MTARC1: variants seen among roughly 807,000 people sequenced by gnomAD.
The protein encoded by MTARC1 is mitochondrial amidoxime reducing component 1.
In MTARC1, 24 loss-of-function variants were observed where a neutral mutation model predicts 33.6. The ratio of observed to expected loss-of-function variants is 0.72; its 90% CI spans 0.52 to 1.01. MTARC1 has a LOEUF of 1.01. Ranked by LOEUF, MTARC1 falls within the 50% of genes least tolerant of loss-of-function variation. The probability of loss-of-function intolerance (pLI) is 0.00; values close to 1 mark genes in which losing one functional copy is unlikely to be tolerated. For synonymous variants in MTARC1, 187 were observed against 189.5 expected (o/e 0.99, Z 0.11); for missense variants, 417 against 445.7 (o/e 0.94, Z 0.58).
intron 4 of MTARC1, among the ~76,000 whole-genome samples, chr1:220,803,769 C>T (rs953359629): frequency 1.3e-5 from 2 of 152,072 alleles, no homozygotes; most frequent in Non-Finnish European, 2.9e-5. Flanking sequence ...AAGTGGAACC[C>T]TTATTTCTCT....
chr1:220,793,558 C>G (rs1672503836), intron 2 of MTARC1: 1 of 152,156 alleles, frequency 6.6e-6, no homozygotes, highest in Admixed American at 6.5e-5. Context: ...AACCTCAGCC[C>G]ACAGTTTCCT....
chr1:220,798,640 G>A, intron 4 of MTARC1: 1 of 943,974 alleles, frequency 1.1e-6, no homozygotes, highest in Non-Finnish European at 1.3e-6. Context: ...TCTCTCCCTG[G>A]GCTTCCATGA....
intron 3 of MTARC1, chr1:220,797,665 C>G (rs1334709585): frequency 3.5e-6 from 2 of 566,002 alleles, no homozygotes; most frequent in Non-Finnish European, 6.3e-6. Context: ...TCCTTGTTCC[C>G]TTCATTCCAC....
chr1:220,797,842 A>T, intron 3 of MTARC1, 32 bp from the exon 4 acceptor site: 2 of 1,608,808 alleles, frequency 1.2e-6, no homozygotes, highest in Non-Finnish European at 8.5e-7. Flanking sequence ...TTGGTGTGCC[A>T]TGTGTTATAA....
intron 6 of MTARC1, among the ~76,000 whole-genome samples, chr1:220,809,903 AC>A (rs1332979696): frequency 6.6e-6 from 1 of 152,200 alleles, no homozygotes; most frequent in Non-Finnish European, 1.5e-5. Flanking sequence ...TCGGGCAGTG[AC>A]CAGATACTCT....
Position 220,810,382 on chromosome 1 carries a change from A to G in MTARC1, c.888-2910A>G, listed in dbSNP as rs368306198. Among the ~76,000 whole-genome samples the G allele has an allele frequency of 2.5e-4, 38 of 152,134 alleles. 1 individual carries two copies. In the South Asian group the frequency reaches 7.9e-3, roughly 32 times the overall value. ...GGCGGGCTTCCGCAGCAGTAGCAAG[A>G]GGAGGTGGTGCAGGAGGCGGTGAGA... On this transcript the variant is annotated intron_variant, in intron 6 of 6. Transcript: ENST00000366910.
intron 6 of MTARC1, among the ~76,000 whole-genome samples, chr1:220,806,434 G>A (rs1486148363): frequency 6.6e-6 from 1 of 152,218 alleles, no homozygotes; most frequent in African/African-American, 2.4e-5. Flanking sequence ...GTTGAGATGT[G>A]ACTATCTTGT....
At chr1:220,812,786 A>G (rs1673175095) in intron 6 of MTARC1, among the ~76,000 whole-genome samples, 2 of 151,452 alleles carry the variant, frequency 1.3e-5, no homozygotes, top group South Asian at 4.2e-4. Context: ...GCGCAGTGGC[A>G]CAATCTCCGC....
chr1:220,798,285 T>G (rs897946707), intron 4 of MTARC1: 2 of 1,344,508 alleles, frequency 1.5e-6, no homozygotes, highest in Non-Finnish European at 1.9e-6. Flanking sequence ...GGTTCGTTGT[T>G]GAGTCACATT....
In MTARC1 at chr1:220,788,257, G is replaced by C. The variant is rs372906103; in HGVS notation, c.275+1038G>C. Among the ~76,000 whole-genome samples, 4 of 152,324 alleles carry C rather than the reference G, an allele frequency of 2.6e-5. 1 individual carries two copies. In the East Asian group the frequency reaches 7.7e-4, roughly 29 times the overall value. On this transcript the variant is annotated intron_variant, in intron 1 of 6. Coordinates refer to ENST00000366910, the MANE Select transcript of MTARC1 (RefSeq NM_022746.4). ...TCAGCGAAGGCTGCAAAACCCGGGA[G>C]CCGGCAGCTTTGTCCTCTTTAGGGT...
rs369305572 is a variant in MTARC1, at chr1:220,796,826, C to T, written c.612+21C>T. 3.4e-4 allele frequency: 531 copies of T among 1,584,018 alleles called. 1 individual carries two copies. The highest frequency in any genetic ancestry group is 1.0e-3 in the South Asian group (88 of 86,962). On this transcript the variant is annotated intron_variant, in intron 3 of 6. Transcript: ENST00000366910. ...ACCAGGTGAGAGGTTCTGCTGCCTC[C>T]ATGGGTAGAAAGCAGTCACCCCCAG... is the stretch of plus-strand genomic sequence containing the variant.
rs1467503817 is a variant in MTARC1 at position 220,805,122 on chromosome 1, C to T, written c.815+9C>T. ...GTGATGGCTTGTTCCAGGTAAGGTG[C>T]TTTCCTGTCCCTGTGGGGTGGAGGT... On this transcript the variant is annotated intron_variant, in intron 5 of 6. Coordinates refer to ENST00000366910, the MANE Select transcript of MTARC1 (RefSeq NM_022746.4). The T allele has an allele frequency of 5.6e-6, 9 of 1,614,158 alleles. No homozygotes were observed. In the South Asian group the frequency reaches 8.8e-5, roughly 16 times the overall value.
intron 6 of MTARC1, among the ~76,000 whole-genome samples, chr1:220,809,421 C>G (rs1402493342): frequency 6.6e-6 from 1 of 152,190 alleles, no homozygotes; most frequent in Non-Finnish European, 1.5e-5. Flanking sequence ...ACGAACTTGC[C>G]CAGCGGCCAG....
At chr1:220,789,929 T>C (rs1462329221) in intron 1 of MTARC1, among the ~76,000 whole-genome samples, 1 of 152,152 alleles carries the variant, frequency 6.6e-6, no homozygotes, top group African/African-American at 2.4e-5. Flanking sequence ...GAGGAGTTAT[T>C]GCTTAATTGG....
At chr1:220,813,022 G>A (rs1373245751) in intron 6 of MTARC1, among the ~76,000 whole-genome samples, 1 of 152,162 alleles carries the variant, frequency 6.6e-6, no homozygotes, top group Non-Finnish European at 1.5e-5. Context: ...CACCACACCT[G>A]GCCAAGTATC....
At chr1:220,803,646 A>G (rs1034020048) in intron 4 of MTARC1, among the ~76,000 whole-genome samples, 7 of 152,096 alleles carry the variant, frequency 4.6e-5, no homozygotes, top group Non-Finnish European at 5.9e-5. Context: ...CAGGTGCTGT[A>G]GGAAGACTTT....
rs1673204556 is a variant in MTARC1, at chr1:220,813,497, C to G, written c.*79C>G. 2 of 1,559,996 alleles carry G rather than the reference C, an allele frequency of 1.3e-6. No individual in the cohort carries two copies. The stretch of plus-strand genomic sequence containing the variant: ...TGACAACACTTGAAGCATGGTGTTT[C>G]AGAACTGAGACCTCTACATTTTCTT... On this transcript the variant is annotated 3_prime_UTR_variant, in exon 7 of 7. Coordinates refer to ENST00000366910, the MANE Select transcript of MTARC1 (RefSeq NM_022746.4).
At chr1:220,799,581 C>T (rs1672722474) in intron 4 of MTARC1, among the ~76,000 whole-genome samples, 1 of 152,158 alleles carries the variant, frequency 6.6e-6, no homozygotes, top group South Asian at 2.1e-4. Flanking sequence ...TTCTATGCCT[C>T]ACGGCAGCCC....
At chr1:220,808,718 G>A (rs752395822) in intron 6 of MTARC1, 119 of 417,438 alleles carry the variant, frequency 2.9e-4, no homozygotes, top group Non-Finnish European at 5.1e-4. Context: ...CAGAGCCCGC[G>A]GTGGTACAGC....
Sources: allele counts gnomAD v4.1 joint callset (sites outside exome capture counted in the v4.1 genomes callset), GRCh38; gene constraint gnomAD v4.1.1; transcripts MANE v1.5; gene names NCBI Gene and HGNC (gene_info 2026-07-23, HGNC 2026-07-21).